The following ASCC2 variants were observed in gnomAD, a reference collection of about 807,000 sequenced individuals.
The protein encoded by ASCC2 is ASC-1 complex subunit P100.
Under a neutral mutation model 93.5 loss-of-function variants are expected in ASCC2, and 42 were observed. That is an observed-to-expected ratio of 0.45 (90% confidence interval 0.35 to 0.58). The LOEUF (loss-of-function observed/expected upper bound fraction) is 0.58, where lower values mean the gene tolerates loss of function less well. Among genes scored for constraint, ASCC2 ranks in the 20% least tolerant of loss-of-function variants. ASCC2 has a pLI of 0.00. For synonymous variants in ASCC2, 364 were observed against 384.2 expected, an observed-to-expected ratio of 0.95 and a Z score of 0.62; for missense variants, 859 against 977.6, an observed-to-expected ratio of 0.88 and a Z score of 1.62.
At chr22:29,803,237 G>C (rs906435489) in intron 13 of ASCC2, among the ~76,000 whole-genome samples, 1 of 132,494 alleles carries the variant, frequency 7.5e-6, no homozygotes, top group African/African-American at 3.1e-5. Context: ...GGCAATAAGA[G>C]TAAAACTCCA....
Position 29,795,501 on chromosome 22 carries a change from G to A in ASCC2, c.1689-1825C>T, listed in dbSNP as rs150972951. On this transcript the variant is annotated intron_variant, in intron 15 of 19. Coordinates refer to ENST00000307790, the MANE Select transcript of ASCC2 (RefSeq NM_032204.5). ...TGTGGCTTTCTGACTGAGCTCAAGG[G>A]AGCCATAGGGATATCTGGGGTATAA... 5.5e-3 allele frequency among the ~76,000 whole-genome samples: 834 copies of A among 152,266 alleles called. 11 individuals are homozygous for A. Among genetic ancestry groups the A allele is most frequent in the African/African-American group, 0.019 (802 of 41,536 alleles).
At chr22:29,811,987 A>T (rs568211791) in intron 8 of ASCC2, among the ~76,000 whole-genome samples, 9 of 152,306 alleles carry the variant, frequency 5.9e-5, no homozygotes, top group African/African-American at 2.2e-4. Context: ...ATACCTTTTT[A>T]AAAAAGTGGA....
chr22:29,837,709 G>GCCTATAGTATCCACTCTC (rs2064015092), intron 1 of ASCC2, among the ~76,000 whole-genome samples: 1 of 152,134 alleles, frequency 6.6e-6, no homozygotes, highest in Admixed American at 6.5e-5. Context: ...TGATGGCTCT[G>GCCTATAGTATCCACTCTC]CCTATAGTAT....
rs1372618603 is a variant in ASCC2, at chr22:29,806,855, T to A, written c.958A>T (p.Met320Leu). Residue 320 changes from methionine (M) to leucine (L), a missense_variant, in exon 10 of 20, where the codon ATG becomes TTG. Coordinates refer to ENST00000307790, the MANE Select transcript of ASCC2 (RefSeq NM_032204.5). ...QRLSHSRKKL[M>L]EIFHIILNQI... ...TTCAGGATGATGTGGAAAATCTCCA[T>A]TAGCTTCTTCCTGGAATGGGAGAGC... 1 of 1,613,940 alleles carries A rather than the reference T, an allele frequency of 6.2e-7. No homozygotes were observed. The highest frequency in any genetic ancestry group is 2.2e-5 in the East Asian group (1 of 44,894).
In ASCC2 at chr22:29,802,157, C is replaced by T; in HGVS notation, c.1405G>A (p.Asp469Asn). 6.2e-7 allele frequency: 1 copy of T among 1,614,246 alleles called. No homozygotes were observed. Among genetic ancestry groups the T allele is most frequent in the Non-Finnish European group, 8.5e-7 (1 of 1,180,050 alleles). Residue 469 changes from aspartate (D) to asparagine (N), a missense_variant, in exon 14 of 20, where the codon GAC becomes AAC. Transcript: ENST00000307790. Reference sequence around the variant, plus strand: ...TCCTTCACTTGGGAGATGAGAGAGTCCAGTTCCACCCCACACATGGCAGGG... The same window carrying T: ...TCCTTCACTTGGGAGATGAGAGAGTTCAGTTCCACCCCACACATGGCAGGG... ...VGPAMCGVEL[D>N]SLISQVKDLL... is the part of the protein sequence containing the mutation.
chr22:29,820,909 T>TAA (rs1489211630), intron 5 of ASCC2, among the ~76,000 whole-genome samples: 2,856 of 42,198 alleles, frequency 0.068, 70 homozygotes, highest in Admixed American at 0.097. Context: ...TCCATCTCAA[T>TAA]ACACAAAAAA....
chr22:29,808,407 C>A (rs1281567453), intron 8 of ASCC2, among the ~76,000 whole-genome samples: 1 of 152,196 alleles, frequency 6.6e-6, no homozygotes, highest in African/African-American at 2.4e-5. Context: ...GTCCCTCATT[C>A]AGATGGGCAA....
intron 1 of ASCC2, among the ~76,000 whole-genome samples, chr22:29,836,211 G>A (rs189227284): frequency 1.7e-3 from 262 of 152,044 alleles, no homozygotes; most frequent in African/African-American, 5.8e-3. Flanking sequence ...TGAAAACACA[G>A]GTCAGATAGG....
At chr22:29,834,086 T>C (rs2063483925) in intron 1 of ASCC2, 1 of 168,246 alleles carries the variant, frequency 5.9e-6, no homozygotes, top group Admixed American at 6.0e-5. Context: ...ACAAAAAGTC[T>C]AAGGTTAGTT....
intron 5 of ASCC2, among the ~76,000 whole-genome samples, chr22:29,820,043 C>T (rs1290417818): frequency 1.3e-5 from 2 of 151,436 alleles, no homozygotes; most frequent in African/African-American, 4.9e-5. Context: ...TTTGTAGAGA[C>T]AGGGTGTGGC....
At chr22:29,812,847 C>T (rs759195594) in intron 8 of ASCC2, among the ~76,000 whole-genome samples, 21 of 151,738 alleles carry the variant, frequency 1.4e-4, no homozygotes, top group Admixed American at 2.6e-4. Flanking sequence ...GTGTTCCCCC[C>T]AGGCTACTCT....
At chr22:29,834,288 G>A (rs2063508657) in intron 1 of ASCC2, 1 of 307,226 alleles carries the variant, frequency 3.3e-6, no homozygotes. Flanking sequence ...CACTTCTAGA[G>A]GAGAGTCTGA....
chr22:29,834,400 A>C (rs2063522371), intron 1 of ASCC2: 2 of 434,686 alleles, frequency 4.6e-6, no homozygotes, highest in Admixed American at 5.7e-5. Flanking sequence ...TACCCAAGGA[A>C]CCTTGGTTCT....
At chr22:29,837,750 T>A (rs112258272) in intron 1 of ASCC2, among the ~76,000 whole-genome samples, 1,711 of 152,338 alleles carry the variant, frequency 0.011, 30 homozygotes, top group African/African-American at 0.037. Context: ...ATAGCTTTAA[T>A]GACCTTGTGC....
At chr22:29,806,717 C>T (rs1272283976) in intron 10 of ASCC2, 80 bp downstream of exon 10, 1 of 1,467,400 alleles carries the variant, frequency 6.8e-7, no homozygotes, top group African/African-American at 1.4e-5. Context: ...GTGGAGGAAG[C>T]CAAGATGAAA....
At chr22:29,823,281 C>T (rs554692726) in intron 4 of ASCC2, among the ~76,000 whole-genome samples, 3 of 149,146 alleles carry the variant, frequency 2.0e-5, no homozygotes, top group Admixed American at 6.7e-5. Context: ...TCAAATGATT[C>T]ATCTGCCTCG....
chr22:29,829,768 C>T (rs980285678), intron 2 of ASCC2, among the ~76,000 whole-genome samples: 1 of 152,062 alleles, frequency 6.6e-6, no homozygotes, highest in African/African-American at 2.4e-5. Flanking sequence ...AGTGATCTAC[C>T]TGCCTCAGCC....
chr22:29,823,203 TA>T (rs985861614), intron 4 of ASCC2, among the ~76,000 whole-genome samples: 1 of 151,890 alleles, frequency 6.6e-6, no homozygotes, highest in East Asian at 1.9e-4. Flanking sequence ...CACACCCAGC[TA>T]ATTTTTGTAT....
Position 29,828,006 on chromosome 22 carries a change from T to A in ASCC2, c.82-2226A>T, listed in dbSNP as rs1198913960. Reference sequence around the variant, plus strand: ...CCCTGAGATTCTACTTTCCCTACAATCCCACAGGGGGAAGATGGACATCTA... The same window carrying A: ...CCCTGAGATTCTACTTTCCCTACAAACCCACAGGGGGAAGATGGACATCTA... On this transcript the variant is annotated intron_variant, in intron 2 of 19. Coordinates refer to ENST00000307790, the MANE Select transcript of ASCC2 (RefSeq NM_032204.5). Among the ~76,000 whole-genome samples, 3 of 149,730 alleles carry A rather than the reference T, an allele frequency of 2.0e-5. 1 individual carries two copies. The highest frequency in any genetic ancestry group is 3.0e-5 in the Non-Finnish European group (2 of 67,778).
Sources: allele counts gnomAD v4.1 joint callset (sites outside exome capture counted in the v4.1 genomes callset), GRCh38; gene constraint gnomAD v4.1.1; transcripts MANE v1.5; gene names NCBI Gene and HGNC (gene_info 2026-07-23, HGNC 2026-07-21).